PLEKHB1: variants seen among roughly 807,000 people sequenced by gnomAD.
PLEKHB1 encodes pleckstrin homology domain-containing family B member 1.
In PLEKHB1, 29 loss-of-function variants were observed where a neutral mutation model predicts 36.2. The ratio of observed to expected loss-of-function variants is 0.80; its 90% CI spans 0.60 to 1.09. The LOEUF (loss-of-function observed/expected upper bound fraction) is 1.09, where lower values mean the gene tolerates loss of function less well. PLEKHB1 is among the 50% of genes least tolerant of loss of function. The probability of loss-of-function intolerance (pLI) is 0.00; values close to 1 mark genes in which losing one functional copy is unlikely to be tolerated. For missense variants in PLEKHB1, 330 were observed against 348.2 expected, an observed-to-expected ratio of 0.95 and a Z score of 0.42; for synonymous variants, 138 against 140.0, an observed-to-expected ratio of 0.99 and a Z score of 0.10.
chr11:73,658,790 A>G (rs927275152), intron 6 of PLEKHB1, among the ~76,000 whole-genome samples: 1 of 152,058 alleles, frequency 6.6e-6, no homozygotes, highest in Admixed American at 6.6e-5. Flanking sequence ...CTAATTTTTT[A>G]ATTTTTTGTA....
intron 5 of PLEKHB1, among the ~76,000 whole-genome samples, chr11:73,655,399 C>T (rs1466312120): frequency 6.6e-6 from 1 of 152,174 alleles, no homozygotes; most frequent in East Asian, 1.9e-4. Context: ...CAGGTGGAGG[C>T]TCCAGGAGCC....
At position 73,661,500 on chromosome 11, in the gene PLEKHB1, T is replaced by C. The variant is rs374408402; in HGVS notation, c.630T>C (p.Asp210=). ...PGVTHVIVRE[D]PCYSAGAPLA... ...TGACGCACGTGATAGTGCGGGAGGA[T>C]CCCTGCTACAGCGCCGGCGCCCCTC... Residue 210 remains aspartate (D), a synonymous_variant, in exon 8 of 8, where the codon GAT becomes GAC. Coordinates refer to ENST00000354190, the MANE Select transcript of PLEKHB1 (RefSeq NM_021200.3). The surrounding 1 kb of genome is among the most constrained non-coding windows in gnomAD (Gnocchi z 4.6). 27 of 1,613,632 alleles carry C rather than the reference T, an allele frequency of 1.7e-5. No homozygotes were observed. In the African/African-American group the frequency reaches 3.1e-4, roughly 18 times the overall value.
chr11:73,655,689 CT>C (rs1944978165), intron 5 of PLEKHB1, 113 bp from the exon 6 acceptor site: 1 of 830,338 alleles, frequency 1.2e-6, no homozygotes, highest in East Asian at 2.7e-5. Context: ...CACAGCCCAG[CT>C]GGCGGAGGGC....
intron 5 of PLEKHB1, 112 bp downstream of exon 5, chr11:73,653,126 G>A (rs2134810066): frequency 8.7e-7 from 1 of 1,146,406 alleles, no homozygotes; most frequent in Non-Finnish European, 1.2e-6. Flanking sequence ...ATGTGGATAG[G>A]TTTCTGCAAA....
At chr11:73,654,249 C>T (rs568201239) in intron 5 of PLEKHB1, among the ~76,000 whole-genome samples, 73 of 152,276 alleles carry the variant, frequency 4.8e-4, no homozygotes, top group Non-Finnish European at 6.3e-4. Flanking sequence ...TTTGAAGAGC[C>T]GCCCAAAGCC....
intron 6 of PLEKHB1, among the ~76,000 whole-genome samples, chr11:73,657,396 CA>C (rs1270596393): frequency 6.6e-6 from 1 of 152,196 alleles, no homozygotes; most frequent in East Asian, 1.9e-4. Context: ...TAGGATTTAA[CA>C]GACTGTAAAC....
chr11:73,655,712 C>G, intron 5 of PLEKHB1, 91 bp from the exon 6 acceptor site: 1 of 1,138,776 alleles, frequency 8.8e-7, no homozygotes. Context: ...CTGGTAGGGT[C>G]TGGAAAGAGC....
At position 73,652,846 on chromosome 11, in the gene PLEKHB1, C is replaced by G. The variant is rs572985960; in HGVS notation, c.351-129C>G. 37 of 737,526 alleles carry G rather than the reference C, an allele frequency of 5.0e-5. 1 individual carries two copies. In the South Asian group the frequency reaches 6.4e-4, roughly 13 times the overall value. The allele number at this position is 737,526 out of a possible 1,614,324, so 45.7% of individuals were successfully genotyped here. On this transcript the variant is annotated intron_variant, in intron 4 of 7. Transcript: ENST00000354190. ...GTCACTTTTGTCTTCCTGAGGGAGACAAGAGATCTCTCCTTTCATGAGAGA... is the reference window on the plus strand; with the variant it reads ...GTCACTTTTGTCTTCCTGAGGGAGAGAAGAGATCTCTCCTTTCATGAGAGA...
intron 1 of PLEKHB1, chr11:73,647,708 G>C: frequency 2.0e-6 from 2 of 985,544 alleles, no homozygotes; most frequent in Non-Finnish European, 2.4e-6. Flanking sequence ...CGGCCGCTTA[G>C]GCAGCAACAT....
intron 5 of PLEKHB1, 87 bp from the exon 6 acceptor site, chr11:73,655,716 A>C: frequency 8.4e-7 from 1 of 1,195,632 alleles, no homozygotes; most frequent in Middle Eastern, 1.9e-4. Flanking sequence ...TAGGGTCTGG[A>C]AAGAGCTCTT....
chr11:73,650,788 T>C (rs1944875614), intron 3 of PLEKHB1, 83 bp downstream of exon 3: 1 of 1,433,774 alleles, frequency 7.0e-7, no homozygotes, highest in East Asian at 2.5e-5. Flanking sequence ...CTGTTGGAAG[T>C]CTTTTTGCAG....
At chr11:73,646,953 T>A (rs1405911617) in intron 1 of PLEKHB1, among the ~76,000 whole-genome samples, 1 of 152,118 alleles carries the variant, frequency 6.6e-6, no homozygotes, top group East Asian at 1.9e-4. Flanking sequence ...CTCCAGTCAC[T>A]GCGTCCTAAC....
chr11:73,650,411 C>T, intron 2 of PLEKHB1, 142 bp from the exon 3 acceptor site: 1 of 891,642 alleles, frequency 1.1e-6, no homozygotes, highest in Non-Finnish European at 1.7e-6. Flanking sequence ...AGAGGTCCTG[C>T]CCTCATTTCA....
At position 73,650,664 on chromosome 11, in the gene PLEKHB1, A is replaced by G. The variant is rs1944871871; in HGVS notation, c.206A>G (p.His69Arg). Residue 69 changes from histidine to arginine, a missense_variant, in exon 3 of 8, where the codon CAC (histidine) becomes CGC (arginine). Physicochemically the swap from His to Arg is conservative, Grantham distance 29 (BLOSUM62 0). Coordinates refer to ENST00000354190, the MANE Select transcript of PLEKHB1 (RefSeq NM_021200.3). ...AQDEEDRVLI[H>R]FNVRDIKIGP... ...GACGAGGAGGACCGTGTGCTCATCC[A>G]CTTCAATGTCCGTGACATAAAGATC... 6.2e-7 allele frequency: 1 copy of G among 1,610,950 alleles called. No individual in the cohort carries two copies. The highest frequency in any genetic ancestry group is 8.5e-7 in the Non-Finnish European group (1 of 1,178,584).
In PLEKHB1 at chr11:73,661,662, GA is replaced by G; in HGVS notation, c.*61del. Reference sequence around the variant, plus strand: ...GATTGCTAGACTCCTCTTCCTCCTGGACCCCATCCTCTACCATCCAAGCCCT... The same window carrying G: ...GATTGCTAGACTCCTCTTCCTCCTGGCCCCATCCTCTACCATCCAAGCCCT... On this transcript the variant is annotated 3_prime_UTR_variant, in exon 8 of 8. Coordinates refer to ENST00000354190, the MANE Select transcript of PLEKHB1 (RefSeq NM_021200.3). The surrounding 1 kb of genome is among the most constrained non-coding windows in gnomAD (Gnocchi z 4.6). The G allele has an allele frequency of 1.3e-6, 2 of 1,513,898 alleles. No homozygotes were observed. Among genetic ancestry groups the G allele is most frequent in the Non-Finnish European group, 1.8e-6 (2 of 1,136,448 alleles). The allele number at this position is 1,513,898 out of a possible 1,614,324, so 93.8% of individuals were successfully genotyped here. A position where few individuals can be genotyped will look rare whatever the true frequency, so the allele number is the denominator to read the frequency against.
At chr11:73,650,510 G>A (rs377048250) in intron 2 of PLEKHB1, 43 bp from the exon 3 acceptor site, 184 of 1,558,122 alleles carry the variant, frequency 1.2e-4, no homozygotes, top group Non-Finnish European at 1.5e-4. Context: ...TTCCCAGCAG[G>A]CTCTGGGATC....
Position 73,646,594 on chromosome 11 carries a change from G to A in PLEKHB1, c.-15G>A. On this transcript the variant is annotated 5_prime_UTR_variant, in exon 1 of 8. It introduces an in-frame stop codon into an upstream open reading frame of the 5' UTR. Transcript: ENST00000354190. Reference sequence around the variant, plus strand: ...GGAGCCTTCTGGGAAATGCTGCCCTGGCCACCCAGGAACCATGAGCCCTGC... The same window carrying A: ...GGAGCCTTCTGGGAAATGCTGCCCTAGCCACCCAGGAACCATGAGCCCTGC... 1 of 1,551,546 alleles carries A rather than the reference G, an allele frequency of 6.4e-7. No homozygotes were observed.
intron 1 of PLEKHB1, chr11:73,648,417 C>T (rs1416856123): frequency 6.3e-6 from 1 of 158,274 alleles, no homozygotes; most frequent in Non-Finnish European, 1.4e-5. Flanking sequence ...GATGAAAGCA[C>T]TGATAGGGGG....
Position 73,651,841 on chromosome 11 carries a change from C to T in PLEKHB1, c.301C>T (p.Arg101Trp), listed in dbSNP as rs372106614. The T allele has an allele frequency of 3.1e-5, 50 of 1,613,488 alleles. No individual in the cohort carries two copies. Among genetic ancestry groups the T allele is most frequent in the African/African-American group, 8.0e-5 (6 of 74,928 alleles). ...AGATGGCCTGCTGACTGTGAACCTACGGGAAGGCGGCCGCCTGCACCTCTG... is the reference window on the plus strand; with the variant it reads ...AGATGGCCTGCTGACTGTGAACCTATGGGAAGGCGGCCGCCTGCACCTCTG... ...SRDGLLTVNL[R>W]EGGRLHLCAE... The change falls in exon 4 of 8, where the codon CGG (arginine) becomes TGG (tryptophan). Residue 101 changes from arginine to tryptophan, a missense_variant. Physicochemically the swap from Arg to Trp is moderately radical, Grantham distance 101 (BLOSUM62 -3). Coordinates refer to ENST00000354190, the MANE Select transcript of PLEKHB1 (RefSeq NM_021200.3).
Sources: gnomAD v4.1 joint callset for allele counts (sites outside exome capture counted in the v4.1 genomes callset) on GRCh38, gnomAD v4.1.1 for gene constraint, Gnocchi (gnomAD v3.1) non-coding constraint, MANE v1.5 for transcripts, NCBI Gene and HGNC (gene_info 2026-07-23, HGNC 2026-07-21) for gene names.